RSRC1: variants seen among roughly 807,000 people sequenced by gnomAD.
The protein encoded by RSRC1 is arginine and serine rich coiled-coil 1, also known as serine/Arginine-related protein 53.
RSRC1 carries 39 observed loss-of-function variants against 49.1 expected under a neutral mutation model. The ratio of observed to expected loss-of-function variants is 0.79; its 90% CI spans 0.61 to 1.04. The LOEUF (loss-of-function observed/expected upper bound fraction) is 1.04, where lower values mean the gene tolerates loss of function less well. Ranked by LOEUF, RSRC1 falls within the 50% of genes least tolerant of loss-of-function variation. The pLI is 0.00. For synonymous variants in RSRC1, 143 were observed against 130.8 expected, an observed-to-expected ratio of 1.09 and a Z score of -0.63; for missense variants, 388 against 402.4, an observed-to-expected ratio of 0.96 and a Z score of 0.31.
At chr3:158,518,724 A>G (rs183147078) in intron 7 of RSRC1, among the ~76,000 whole-genome samples, 1 of 152,122 alleles carries the variant, frequency 6.6e-6, no homozygotes, top group African/African-American at 2.4e-5. Context: ...TTCTAATCAC[A>G]TGCAAACTCT....
intron 5 of RSRC1, among the ~76,000 whole-genome samples, chr3:158,342,513 C>T (rs982910149): frequency 6.6e-6 from 1 of 152,184 alleles, no homozygotes; most frequent in African/African-American, 2.4e-5. Flanking sequence ...GAGGCCTCCC[C>T]AGCCATGTGG....
intron 4 of RSRC1, among the ~76,000 whole-genome samples, chr3:158,240,506 T>C (rs1030163751): frequency 6.6e-6 from 1 of 152,204 alleles, no homozygotes; most frequent in South Asian, 2.1e-4. Flanking sequence ...TATAATCTTT[T>C]TGAATACATT....
At chr3:158,133,881 TG>T (rs748495746) in intron 3 of RSRC1, among the ~76,000 whole-genome samples, 41 of 152,354 alleles carry the variant, frequency 2.7e-4, no homozygotes, top group Non-Finnish European at 4.6e-4. Context: ...GAAGTGATTC[TG>T]GGTGCTATTT....
chr3:158,495,311 T>C (rs1739273307), intron 7 of RSRC1, among the ~76,000 whole-genome samples: 1 of 152,112 alleles, frequency 6.6e-6, no homozygotes, highest in Non-Finnish European at 1.5e-5. Context: ...GTTTTGACAG[T>C]GTCTGACTCT....
rs532993820 is a variant in RSRC1 at position 158,319,901 on chromosome 3, A to G, written c.531+21826A>G. ...CCTTATCTGAATATCATGTTAAAGT[A>G]CCTTTTATACTTTTAACCCATGATC... On this transcript the variant is annotated intron_variant, in intron 5 of 9. Coordinates refer to ENST00000611884, the MANE Select transcript of RSRC1 (RefSeq NM_001271838.2). Among the ~76,000 whole-genome samples the G allele has an allele frequency of 2.6e-5, 4 of 152,268 alleles. No individual in the cohort carries two copies. In the South Asian group the frequency reaches 8.3e-4, roughly 32 times the overall value.
chr3:158,262,687 G>A (rs144111302), intron 4 of RSRC1, among the ~76,000 whole-genome samples: 50 of 151,954 alleles, frequency 3.3e-4, no homozygotes, highest in African/African-American at 8.2e-4. Context: ...CTCTTTTAGC[G>A]CAGTAACAAG....
At chr3:158,435,791 A>G (rs1275890808) in intron 6 of RSRC1, among the ~76,000 whole-genome samples, 1 of 151,758 alleles carries the variant, frequency 6.6e-6, no homozygotes, top group Non-Finnish European at 1.5e-5. Flanking sequence ...TAGTTAAAAC[A>G]TACATCTTTT....
chr3:158,513,057 G>T (rs902968599), intron 7 of RSRC1, among the ~76,000 whole-genome samples: 2 of 139,998 alleles, frequency 1.4e-5, no homozygotes, highest in African/African-American at 5.5e-5. Flanking sequence ...CATGTCGTCT[G>T]CAAACAGGGA....
At chr3:158,166,958 T>G (rs775651178) in intron 3 of RSRC1, among the ~76,000 whole-genome samples, 4 of 152,170 alleles carry the variant, frequency 2.6e-5, no homozygotes, top group Non-Finnish European at 5.9e-5. Flanking sequence ...TGTCTTTGGC[T>G]ATTGGGAAAT....
At chr3:158,445,387 A>G in intron 6 of RSRC1, among the ~76,000 whole-genome samples, 1 of 152,108 alleles carries the variant, frequency 6.6e-6, no homozygotes, top group Non-Finnish European at 1.5e-5. Context: ...CATCATTCTC[A>G]GCAAACTATC....
intron 4 of RSRC1, among the ~76,000 whole-genome samples, chr3:158,203,696 T>C (rs1721198594): frequency 6.6e-6 from 1 of 152,186 alleles, no homozygotes; most frequent in Non-Finnish European, 1.5e-5. Flanking sequence ...GACCATGTGA[T>C]TTACTATTGT....
At position 158,407,795 on chromosome 3, in the gene RSRC1, C is replaced by T. The variant is rs538410012; in HGVS notation, c.583+52887C>T. On this transcript the variant is annotated intron_variant, in intron 6 of 9. Coordinates refer to ENST00000611884, the MANE Select transcript of RSRC1 (RefSeq NM_001271838.2). ...GAGTACTTCTTTTATAGAATCTAAA[C>T]TTATATTTGCATATTTTAGATTTTA... Among the ~76,000 whole-genome samples, 9 of 152,230 alleles carry T rather than the reference C, an allele frequency of 5.9e-5. No homozygotes were observed. The East Asian group carries it at 1.7e-3, about 29-fold the overall frequency.
chr3:158,139,226 C>T (rs544956293), intron 3 of RSRC1, among the ~76,000 whole-genome samples: 2 of 151,850 alleles, frequency 1.3e-5, no homozygotes, highest in East Asian at 1.9e-4. Flanking sequence ...CATGGTGAAA[C>T]CCTGTCTCTA....
intron 3 of RSRC1, among the ~76,000 whole-genome samples, chr3:158,137,655 C>CTTTTT (rs11388972): frequency 7.2e-6 from 1 of 138,520 alleles, no homozygotes; most frequent in African/African-American, 2.7e-5. Flanking sequence ...TTTTCTTTTT[C>CTTTTT]TTTTTTTTTT....
In RSRC1 at chr3:158,252,480, G is replaced by A. The variant is rs560860544; in HGVS notation, c.495-45559G>A. 9.2e-5 allele frequency among the ~76,000 whole-genome samples: 14 copies of A among 152,270 alleles called. 1 individual carries two copies. The South Asian group carries it at 2.9e-3, about 32-fold the overall frequency. The stretch of plus-strand genomic sequence containing the variant: ...ACGCCCGGCCGATGAATGTGTTCTT[G>A]AATTCAGTTTGCTAGTATTTTGTTG... On this transcript the variant is annotated intron_variant, in intron 4 of 9. Coordinates refer to ENST00000611884, the MANE Select transcript of RSRC1 (RefSeq NM_001271838.2).
intron 6 of RSRC1, among the ~76,000 whole-genome samples, chr3:158,405,364 T>G (rs1184832076): frequency 6.6e-6 from 1 of 152,118 alleles, no homozygotes; most frequent in African/African-American, 2.4e-5. Context: ...CCAACATTGG[T>G]GCCTGTGTGA....
At chr3:158,336,467 A>G in intron 5 of RSRC1, 1 of 160,594 alleles carries the variant, frequency 6.2e-6, no homozygotes, top group Non-Finnish European at 1.4e-5. Flanking sequence ...GTGAGACCAC[A>G]CATTGGGGTC....
intron 6 of RSRC1, among the ~76,000 whole-genome samples, chr3:158,402,511 G>A (rs1429871865): frequency 6.6e-6 from 1 of 151,688 alleles, no homozygotes; most frequent in Non-Finnish European, 1.5e-5. Context: ...ATGACTTTAA[G>A]AGTTGTATTA....
intron 3 of RSRC1, among the ~76,000 whole-genome samples, chr3:158,130,078 G>T (rs543331417): frequency 6.6e-6 from 1 of 152,308 alleles, no homozygotes; most frequent in East Asian, 1.9e-4. Flanking sequence ...AGATCAGGGT[G>T]ACAGCATGGT....
Sources: allele counts gnomAD v4.1 joint callset (sites outside exome capture counted in the v4.1 genomes callset), GRCh38; gene constraint gnomAD v4.1.1; transcripts MANE v1.5; gene names NCBI Gene and HGNC (gene_info 2026-07-23, HGNC 2026-07-21).